The following DCAF8L2 variants were observed in gnomAD, a reference collection of about 807,000 sequenced individuals.
DCAF8L2 encodes the protein DDB1- and CUL4-associated factor 8-like protein 2.
For synonymous variants in DCAF8L2, 200 were observed against 190.9 expected (o/e 1.05, Z -0.39); for missense variants, 430 against 490.7 (o/e 0.88, Z 1.17).
At chrX:27,628,353 T>C (rs1224113863) in intron 1 of DCAF8L2, among the ~76,000 whole-genome samples, 2 of 112,149 alleles carry the variant, frequency 1.8e-5, no homozygotes, top group Non-Finnish European at 3.8e-5. Context: ...TTGGGTTTTT[T>C]CCATATATGG....
chrX:27,740,586 C>A (rs890067204), intron 4 of DCAF8L2, among the ~76,000 whole-genome samples: 5 of 111,932 alleles, frequency 4.5e-5, no homozygotes, highest in African/African-American at 1.6e-4. Context: ...GTCACTCTCC[C>A]TAAAGCTTGC....
In DCAF8L2 at chrX:27,748,840, T is replaced by C. The variant is rs781409659; in HGVS notation, c.*49T>C. The C allele has an allele frequency of 6.2e-6, 7 of 1,122,802 alleles. No homozygotes were observed. In the African/African-American group the frequency reaches 9.2e-5, roughly 15 times the overall value. 92.5% of individuals were successfully genotyped at this position (1,122,802 alleles called of 1,213,427 possible). A position where few individuals can be genotyped will look rare whatever the true frequency, so the allele number is the denominator to read the frequency against. ...CATGCCACCTAAGTACACTGGACTT[T>C]AAAATTCAGTTTGACTAATTTAGAA... On this transcript the variant is annotated 3_prime_UTR_variant, in exon 5 of 5. Transcript: ENST00000451261.
At chrX:27,660,083 C>T (rs1215868548) in intron 2 of DCAF8L2, among the ~76,000 whole-genome samples, 1 of 111,627 alleles carries the variant, frequency 9.0e-6, no homozygotes, top group Non-Finnish European at 1.9e-5. Flanking sequence ...AGTGCAACGG[C>T]GCGATCTCAG....
the DCAF8L2 span, among the ~76,000 whole-genome samples, chrX:27,560,576 A>G: frequency 4.5e-3 from 498 of 111,661 alleles, 9 homozygotes; most frequent in Admixed American, 0.043. Flanking sequence ...ACTCCTATTC[A>G]TGCTCTATCC....
chrX:27,577,968 T>C, the DCAF8L2 span, among the ~76,000 whole-genome samples: 1 of 111,713 alleles, frequency 9.0e-6, no homozygotes, highest in East Asian at 2.8e-4. Flanking sequence ...AAAATGGTCA[T>C]ACTGCCCAAA....
intron 1 of DCAF8L2, among the ~76,000 whole-genome samples, chrX:27,622,043 G>T (rs1927791219): frequency 9.1e-6 from 1 of 109,761 alleles, no homozygotes; most frequent in African/African-American, 3.3e-5. Flanking sequence ...TATGTTTAAA[G>T]TATTTTGAAA....
At chrX:27,541,620 G>A in the DCAF8L2 span, among the ~76,000 whole-genome samples, 127 of 110,041 alleles carry the variant, frequency 1.2e-3, 1 homozygote, top group Non-Finnish European at 5.9e-4. Flanking sequence ...CACCTGCCTC[G>A]GCCTCTCAAA....
the DCAF8L2 span, among the ~76,000 whole-genome samples, chrX:27,497,695 A>C: frequency 9.1e-6 from 1 of 110,462 alleles, no homozygotes; most frequent in African/African-American, 3.3e-5. Context: ...CAGCCTCCCG[A>C]GTAGCTGGGA....
chrX:27,508,786 T>A, the DCAF8L2 span, among the ~76,000 whole-genome samples: 2 of 106,870 alleles, frequency 1.9e-5, no homozygotes, highest in African/African-American at 6.8e-5. Context: ...TGTACCTTGC[T>A]AATCACATAG....
chrX:27,711,665 G>T (rs990741240), intron 3 of DCAF8L2, among the ~76,000 whole-genome samples: 3 of 110,162 alleles, frequency 2.7e-5, no homozygotes, highest in Non-Finnish European at 5.7e-5. Context: ...ATATTGATCT[G>T]CAGTTTTTTA....
Position 27,607,035 on chromosome X carries a change from T to C in DCAF8L2, c.-342+16595T>C, listed in dbSNP as rs762106788. The stretch of plus-strand genomic sequence containing the variant: ...GTAAAGAAAATTTCAGCAGCAGGAA[T>C]ACTTGTACAAAAAAATGTGACAGTT... On this transcript the variant is annotated intron_variant, in intron 1 of 4. Transcript: ENST00000451261. Among the ~76,000 whole-genome samples the C allele has an allele frequency of 7.2e-5, 8 of 111,647 alleles. No individual in the cohort carries two copies. In the East Asian group the frequency reaches 2.3e-3, roughly 32 times the overall value.
intron 4 of DCAF8L2, among the ~76,000 whole-genome samples, chrX:27,726,030 T>A (rs1932058489): frequency 9.0e-6 from 1 of 111,647 alleles, no homozygotes; most frequent in Admixed American, 9.5e-5. Flanking sequence ...TCTATATAGC[T>A]ATACTCTCTT....
At chrX:27,506,223 A>C in the DCAF8L2 span, among the ~76,000 whole-genome samples, 1 of 111,952 alleles carries the variant, frequency 8.9e-6, no homozygotes, top group Non-Finnish European at 1.9e-5. Flanking sequence ...TTCTCACTTC[A>C]AATCTTTGTC....
chrX:27,744,271 G>A (rs1346137437), intron 4 of DCAF8L2, among the ~76,000 whole-genome samples: 7 of 111,154 alleles, frequency 6.3e-5, no homozygotes, highest in African/African-American at 1.6e-4. Flanking sequence ...TGTCATAGAG[G>A]GGAAAATAAG....
the DCAF8L2 span, among the ~76,000 whole-genome samples, chrX:27,472,960 G>A: frequency 9.0e-6 from 1 of 111,192 alleles, no homozygotes; most frequent in African/African-American, 3.3e-5. Flanking sequence ...TGACCCTTTC[G>A]CTTTTTGCAA....
the DCAF8L2 span, among the ~76,000 whole-genome samples, chrX:27,566,125 C>T: frequency 3.6e-5 from 4 of 109,680 alleles, no homozygotes; most frequent in South Asian, 1.2e-3. Context: ...CTCCCGCCCC[C>T]CCGACCCTGT....
the DCAF8L2 span, among the ~76,000 whole-genome samples, chrX:27,470,848 T>C: frequency 2.7e-4 from 30 of 112,333 alleles, no homozygotes; most frequent in Admixed American, 7.6e-4. Flanking sequence ...ATTATATTTA[T>C]CACAAAATGT....
chrX:27,735,861 G>A (rs1015531794), intron 4 of DCAF8L2, among the ~76,000 whole-genome samples: 2 of 110,673 alleles, frequency 1.8e-5, no homozygotes, highest in African/African-American at 6.6e-5. Context: ...CGGAAATTTA[G>A]GCCAGCAAAA....
At chrX:27,642,797 C>G (rs1928790661) in intron 2 of DCAF8L2, among the ~76,000 whole-genome samples, 1 of 111,944 alleles carries the variant, frequency 8.9e-6, no homozygotes, top group African/African-American at 3.2e-5. Flanking sequence ...AATTGATACA[C>G]TATCAGAACC....
Sources: gnomAD v4.1 joint callset for allele counts (sites outside exome capture counted in the v4.1 genomes callset) on GRCh38, gnomAD v4.1.1 for gene constraint, MANE v1.5 for transcripts, NCBI Gene and HGNC (gene_info 2026-07-23, HGNC 2026-07-21) for gene names.